TDP1: variants seen among roughly 807,000 people sequenced by gnomAD.
The protein encoded by TDP1 is tyrosyl-DNA phosphodiesterase 1, also known as tyr-DNA phosphodiesterase 1.
TDP1 carries 64 observed loss-of-function variants against 81.5 expected under a neutral mutation model. The ratio of observed to expected loss-of-function variants is 0.79; its 90% CI spans 0.64 to 0.97. The LOEUF (loss-of-function observed/expected upper bound fraction) is 0.97. Among genes scored for constraint, TDP1 ranks in the 50% least tolerant of loss-of-function variants. The probability of loss-of-function intolerance (pLI) is 0.00; values close to 1 mark genes in which losing one functional copy is unlikely to be tolerated. For missense variants in TDP1, 723 were observed against 743.8 expected, an observed-to-expected ratio of 0.97 and a Z score of 0.33; for synonymous variants, 256 against 264.3, an observed-to-expected ratio of 0.97 and a Z score of 0.30.
At chr14:89,957,491 T>C (rs774045390) in intron 2 of TDP1, among the ~76,000 whole-genome samples, 3 of 152,184 alleles carry the variant, frequency 2.0e-5, no homozygotes, top group Non-Finnish European at 4.4e-5. Flanking sequence ...CAAGGGACCA[T>C]GTTTGCCTAT....
At chr14:90,035,733 C>CTT (rs543354253) in intron 16 of TDP1, among the ~76,000 whole-genome samples, 1 of 139,048 alleles carries the variant, frequency 7.2e-6, no homozygotes, top group Non-Finnish European at 1.5e-5. Context: ...CCTTTTCTTC[C>CTT]TTTTTTTTTT....
At chr14:90,005,748 T>C (rs2140197731) in intron 14 of TDP1, among the ~76,000 whole-genome samples, 1 of 152,356 alleles carries the variant, frequency 6.6e-6, no homozygotes, top group Non-Finnish European at 1.5e-5. Flanking sequence ...GGAGATAGAC[T>C]AAAACATTGG....
At chr14:89,985,273 A>C (rs1395251835) in intron 10 of TDP1, 63 bp downstream of exon 10, 3 of 928,918 alleles carry the variant, frequency 3.2e-6, no homozygotes, top group African/African-American at 3.4e-5. Context: ...CTCTTTTAAA[A>C]TAATTATATA....
chr14:89,976,319 C>T (rs1156697341), intron 7 of TDP1, among the ~76,000 whole-genome samples: 2 of 151,920 alleles, frequency 1.3e-5, no homozygotes. Flanking sequence ...AGGCTGATCT[C>T]GAACTCCTGG....
At chr14:89,981,235 T>G (rs943095948) in intron 8 of TDP1, among the ~76,000 whole-genome samples, 8 of 152,288 alleles carry the variant, frequency 5.3e-5, no homozygotes, top group African/African-American at 1.4e-4. Context: ...TTTAGAGCCT[T>G]TAGTGTGTTA....
At chr14:89,995,778 G>T (rs1325859600) in intron 14 of TDP1, among the ~76,000 whole-genome samples, 1 of 152,120 alleles carries the variant, frequency 6.6e-6, no homozygotes, top group Admixed American at 6.5e-5. Context: ...TGCCCTTGTG[G>T]CACCTGTCTC....
intron 16 of TDP1, among the ~76,000 whole-genome samples, chr14:90,035,754 A>G (rs914771417): frequency 8.1e-6 from 1 of 123,238 alleles, no homozygotes; most frequent in African/African-American, 5.0e-5. Context: ...TTTTTAACCC[A>G]AGTTCTCCTC....
In TDP1 at chr14:89,971,162, G is replaced by A. The variant is rs1311349010; in HGVS notation, c.660-13G>A. 4 of 1,608,726 alleles carry A rather than the reference G, an allele frequency of 2.5e-6. No individual in the cohort carries two copies. In the Admixed American group the frequency reaches 5.0e-5, roughly 20 times the overall value. On this transcript the variant is annotated splice_polypyrimidine_tract_variant and intron_variant, in intron 5 of 16. Transcript: ENST00000335725. ...TGAATGATGTATATTAAATACTAAT[G>A]CTCTCTTTTTAGGAAGAAGCCAATC...
intron 4 of TDP1, chr14:89,966,869 A>T: frequency 2.1e-6 from 1 of 467,132 alleles, no homozygotes; most frequent in Non-Finnish European, 2.8e-6. Context: ...ACTTGCATTT[A>T]AGATGTAATT....
intron 14 of TDP1, among the ~76,000 whole-genome samples, chr14:90,015,853 T>C (rs1359055769): frequency 6.6e-6 from 1 of 152,052 alleles, no homozygotes; most frequent in East Asian, 1.9e-4. Flanking sequence ...CACAAACACA[T>C]TGGGGGTTAG....
chr14:90,018,207 T>A (rs761823378), intron 14 of TDP1, among the ~76,000 whole-genome samples: 3 of 151,998 alleles, frequency 2.0e-5, no homozygotes, highest in Non-Finnish European at 4.4e-5. Context: ...GTCACAGTCA[T>A]CCACAAAGTC....
intron 11 of TDP1, 57 bp downstream of exon 11, chr14:89,989,147 T>C: frequency 6.4e-7 from 1 of 1,561,264 alleles, no homozygotes; most frequent in Non-Finnish European, 8.8e-7. Flanking sequence ...AGGAGAAGAA[T>C]TGAAAATTGG....
chr14:90,013,650 A>G (rs1884981170), intron 14 of TDP1, among the ~76,000 whole-genome samples: 2 of 152,088 alleles, frequency 1.3e-5, no homozygotes, highest in Non-Finnish European at 2.9e-5. Flanking sequence ...GATACAGTTA[A>G]AAATACTTGA....
intron 14 of TDP1, among the ~76,000 whole-genome samples, chr14:90,006,812 T>G (rs934962781): frequency 3.8e-4 from 58 of 152,294 alleles, no homozygotes; most frequent in African/African-American, 1.3e-3. Flanking sequence ...GTGCTGGGAT[T>G]ACAGGCGTGA....
Position 89,984,564 on chromosome 14 carries a change from A to G in TDP1, c.933A>G (p.Lys311=). The G allele has an allele frequency of 6.2e-7, 1 of 1,614,154 alleles. No individual in the cohort carries two copies. Among genetic ancestry groups the G allele is most frequent in the Non-Finnish European group, 8.5e-7 (1 of 1,180,022 alleles). ...LYPRIADGTH[K]SGESPTHFKA... is the part of the protein sequence containing the mutation. ...CACGAATTGCTGATGGAACCCACAA[A>G]TCTGGAGAGTCGCCAACACATTTTA... is the stretch of plus-strand genomic sequence containing the variant. The change falls in exon 9 of 17, where the codon AAA becomes AAG. Residue 311 remains lysine, a synonymous_variant. Transcript: ENST00000335725.
rs1892531291 is a variant in TDP1 at position 89,963,151 on chromosome 14, T to C, written c.37T>C (p.Ser13Pro). Reference protein sequence around the residue: ...QEGDYGRWTISSSDESEEEKP... With the variant: ...QEGDYGRWTIPSSDESEEEKP... ...AGGCGATTATGGGAGGTGGACCATA[T>C]CTAGTAGTGATGAAAGTGAGGAAGA... The change falls in exon 3 of 17, where the codon TCT becomes CCT. Residue 13 changes from serine to proline, a missense_variant. Transcript: ENST00000335725. 1.9e-6 allele frequency: 3 copies of C among 1,614,000 alleles called. No individual in the cohort carries two copies. Among genetic ancestry groups the C allele is most frequent in the East Asian group, 4.5e-5 (2 of 44,862 alleles).
At chr14:90,019,269 T>C (rs1392289082) in intron 14 of TDP1, 47 bp from the exon 15 acceptor site, 1 of 1,389,150 alleles carries the variant, frequency 7.2e-7, no homozygotes, top group Non-Finnish European at 1.0e-6. Flanking sequence ...TGACCCACAC[T>C]GAGATGCCTC....
At chr14:89,998,448 A>ATGTATG (rs1256384948) in intron 14 of TDP1, among the ~76,000 whole-genome samples, 1 of 134,254 alleles carries the variant, frequency 7.4e-6, no homozygotes, top group African/African-American at 3.1e-5. Flanking sequence ...ATGTATATGT[A>ATGTATG]TATGTATATA....
chr14:89,998,372 TTA>T (rs58264054), intron 14 of TDP1, among the ~76,000 whole-genome samples: 608 of 52,850 alleles, frequency 0.012, 6 homozygotes, highest in Middle Eastern at 0.018. Context: ...TCCAAGCACA[TTA>T]TATATATATA....
Sources: gnomAD v4.1 joint callset for allele counts (sites outside exome capture counted in the v4.1 genomes callset) on GRCh38, gnomAD v4.1.1 for gene constraint, MANE v1.5 for transcripts, NCBI Gene and HGNC (gene_info 2026-07-23, HGNC 2026-07-21) for gene names.